Variants in RAD51C observed in about 807,000 individuals in gnomAD.
RAD51C encodes the protein DNA repair protein RAD51 homolog 3.
RAD51C carries 42 observed loss-of-function variants against 45.0 expected under a neutral mutation model. The observed-to-expected ratio is 0.93, with a 90% CI of 0.73 to 1.21. RAD51C has a LOEUF of 1.21. RAD51C is among the 50% of genes most tolerant of loss of function. The pLI is 0.00. For synonymous variants in RAD51C, 172 were observed against 159.8 expected (o/e 1.08, Z -0.58); for missense variants, 474 against 452.2 (o/e 1.05, Z -0.44).
intron 3 of RAD51C, among the ~76,000 whole-genome samples, chr17:58,700,628 G>A (rs1473768717): frequency 6.6e-6 from 1 of 151,864 alleles, no homozygotes; most frequent in Non-Finnish European, 1.5e-5. Flanking sequence ...TTTTAGTAGA[G>A]ATGGGGTTTC....
intron 5 of RAD51C, among the ~76,000 whole-genome samples, chr17:58,716,894 G>A (rs552275858): frequency 1.3e-5 from 2 of 151,548 alleles, no homozygotes; most frequent in African/African-American, 4.8e-5. Context: ...TCTGCCTCCT[G>A]GGTTCACACC....
intron 3 of RAD51C, among the ~76,000 whole-genome samples, chr17:58,701,024 A>G (rs1168882551): frequency 6.6e-6 from 1 of 152,064 alleles, no homozygotes; most frequent in African/African-American, 2.4e-5. Context: ...CAGCCCCCCA[A>G]GTAGCTGGGG....
chr17:58,713,080 C>T (rs1037206789), intron 5 of RAD51C, among the ~76,000 whole-genome samples: 3 of 150,720 alleles, frequency 2.0e-5, no homozygotes, highest in Admixed American at 2.0e-4. Context: ...GAGCTGAGAT[C>T]GCACCACTGC....
intron 5 of RAD51C, among the ~76,000 whole-genome samples, chr17:58,718,079 C>T (rs1326033523): frequency 6.6e-6 from 1 of 152,102 alleles, no homozygotes; most frequent in African/African-American, 2.4e-5. Context: ...TCACTGCAAC[C>T]TCTGCCTCCT....
chr17:58,731,355 G>T (rs1423010742), intron 7 of RAD51C, among the ~76,000 whole-genome samples: 2 of 151,654 alleles, frequency 1.3e-5, no homozygotes, highest in Admixed American at 1.3e-4. Context: ...TGCCTCACAG[G>T]TTCAAGCGAT....
At chr17:58,720,877 C>A in intron 6 of RAD51C, 65 bp downstream of exon 6, 2 of 1,321,982 alleles carry the variant, frequency 1.5e-6, no homozygotes, top group Non-Finnish European at 2.2e-6. Flanking sequence ...TCATTTGATT[C>A]TCATTGAGTA....
intron 3 of RAD51C, among the ~76,000 whole-genome samples, chr17:58,697,300 G>A (rs752469913): frequency 1.3e-5 from 2 of 152,134 alleles, no homozygotes; most frequent in Non-Finnish European, 2.9e-5. Context: ...CCCTTTGGGA[G>A]GCCAAGGCGG....
chr17:58,700,703 G>A (rs548070485), intron 3 of RAD51C, among the ~76,000 whole-genome samples: 18 of 152,084 alleles, frequency 1.2e-4, no homozygotes, highest in African/African-American at 4.3e-4. Flanking sequence ...GCCTCCCAAA[G>A]CGCTGGGATT....
At chr17:58,696,598 CTTTAGT>C (rs1328168814) in intron 2 of RAD51C, 89 bp from the exon 3 acceptor site, 1 of 1,477,330 alleles carries the variant, frequency 6.8e-7, no homozygotes, top group Non-Finnish European at 9.4e-7. Flanking sequence ...ATTTATAAAA[CTTTAGT>C]GATACCTAAC....
intron 7 of RAD51C, among the ~76,000 whole-genome samples, chr17:58,726,153 A>C (rs924310765): frequency 2.0e-5 from 3 of 151,314 alleles, no homozygotes; most frequent in Admixed American, 2.0e-4. Context: ...TCATACTCTC[A>C]TTTTAGTGAG....
intron 5 of RAD51C, among the ~76,000 whole-genome samples, chr17:58,715,151 AAAC>A (rs1183388585): frequency 6.6e-6 from 1 of 151,950 alleles, no homozygotes; most frequent in Non-Finnish European, 1.5e-5. Context: ...AAACAAAAAA[AAAC>A]AAAAAACCTC....
At chr17:58,724,015 C>CA in intron 6 of RAD51C, 25 bp from the exon 7 acceptor site, 1 of 1,585,872 alleles carries the variant, frequency 6.3e-7, no homozygotes, top group East Asian at 2.2e-5. Context: ...AGGCCATATA[C>CA]AGTTATTATG....
At position 58,720,726 on chromosome 17, in the gene RAD51C, C is replaced by T. The variant is rs766600284; in HGVS notation, c.838-20C>T. The T allele has an allele frequency of 6.3e-7, 1 of 1,584,648 alleles. No homozygotes were observed. The highest frequency in any genetic ancestry group is 8.7e-7 in the Non-Finnish European group (1 of 1,154,216). ...TTTTCAAAGAGACTCACCTAATTTTCTTACATTTTGTTTTTGTAGGTAATT... is the reference window on the plus strand; with the variant it reads ...TTTTCAAAGAGACTCACCTAATTTTTTTACATTTTGTTTTTGTAGGTAATT... On this transcript the variant is annotated intron_variant, in intron 5 of 8. Transcript: ENST00000337432.
In RAD51C at chr17:58,735,468, A is replaced by G. The variant is rs912126107; in HGVS notation, c.*1246A>G. On this transcript the variant is annotated 3_prime_UTR_variant, in exon 9 of 9. Transcript: ENST00000337432. The stretch of plus-strand genomic sequence containing the variant: ...TGCCTTGTCTTCCCAAAGTGCTGGG[A>G]TTACAGATGTGAGCCACCACACCTG... 6.6e-6 allele frequency: 1 copy of G among 152,194 alleles called. No homozygotes were observed. The highest frequency in any genetic ancestry group is 2.4e-5 in the African/African-American group (1 of 41,420). 9.4% of individuals were successfully genotyped at this position (152,194 alleles called of 1,614,324 possible). A position where few individuals can be genotyped will look rare whatever the true frequency, so the allele number is the denominator to read the frequency against.
intron 7 of RAD51C, among the ~76,000 whole-genome samples, chr17:58,725,539 T>C (rs923164475): frequency 3.9e-5 from 6 of 152,160 alleles, no homozygotes; most frequent in Non-Finnish European, 8.8e-5. Flanking sequence ...AGCAAGATAT[T>C]TCATCTTTTT....
In RAD51C at chr17:58,695,120, G is replaced by C. The variant is rs370212314; in HGVS notation, c.335G>C (p.Gly112Ala). 5.0e-6 allele frequency: 8 copies of C among 1,613,944 alleles called. No individual in the cohort carries two copies. Among genetic ancestry groups the C allele is most frequent in the Non-Finnish European group, 5.9e-6 (7 of 1,180,026 alleles). Residue 112 changes from glycine (G) to alanine (A), a missense_variant, in exon 2 of 9, where the codon GGG (glycine) becomes GCG (alanine). Transcript: ENST00000337432. ...TGTTCAGCACTAGATGATATTCTTG[G>C]GGGTGGAGTGCCCTTAATGAAAACA... Reference protein sequence around the residue: ...TFCSALDDILGGGVPLMKTTE... With the variant: ...TFCSALDDILAGGVPLMKTTE...
chr17:58,726,753 G>A (rs1321760018), intron 7 of RAD51C, among the ~76,000 whole-genome samples: 1 of 152,048 alleles, frequency 6.6e-6, no homozygotes, highest in Admixed American at 6.6e-5. Flanking sequence ...GATGAGATCA[G>A]GCACATTCAG....
Position 58,696,697 on chromosome 17 carries a change from C to T in RAD51C, c.409C>T (p.Gln137Ter), listed in dbSNP as rs2048021234. 6.2e-7 allele frequency: 1 copy of T among 1,614,088 alleles called. No homozygotes were observed. The highest frequency in any genetic ancestry group is 8.5e-7 in the Non-Finnish European group (1 of 1,180,018). ...PGVGKTQLCM[Q>*]LAVDVQIPEC... ...TTGTCATCTTTCTGTTGACAGTATG[C>T]AGTTGGCAGTAGATGTGCAGATACC... The change falls in exon 3 of 9, where the codon CAG (glutamine) becomes TAG (stop). Residue 137 changes from glutamine to a stop codon, truncating the protein, a stop_gained. Transcript: ENST00000337432. LOFTEE classifies it high-confidence loss of function.
chr17:58,702,513 T>C (rs768823176), intron 3 of RAD51C, among the ~76,000 whole-genome samples: 7 of 151,594 alleles, frequency 4.6e-5, no homozygotes, highest in Non-Finnish European at 8.8e-5. Flanking sequence ...GCCAACAAGG[T>C]GAAACCCCGT....
Sources: allele counts gnomAD v4.1 joint callset (sites outside exome capture counted in the v4.1 genomes callset), GRCh38; gene constraint gnomAD v4.1.1; transcripts MANE v1.5; gene names NCBI Gene and HGNC (gene_info 2026-07-23, HGNC 2026-07-21).